The following CYTH4 variants were observed in gnomAD, a reference collection of about 807,000 sequenced individuals.
CYTH4 encodes the protein cytohesin-4.
Under a neutral mutation model 57.5 loss-of-function variants are expected in CYTH4, and 22 were observed. The observed-to-expected ratio is 0.38, with a 90% CI of 0.27 to 0.55. CYTH4 has a LOEUF of 0.55. CYTH4 is among the 20% of genes least tolerant of loss of function. The pLI is 0.74. For missense variants in CYTH4, 420 were observed against 535.6 expected, an observed-to-expected ratio of 0.78 and a Z score of 2.13; for synonymous variants, 186 against 206.5, an observed-to-expected ratio of 0.90 and a Z score of 0.85.
intron 6 of CYTH4, chr22:37,299,945 C>A: frequency 1.5e-6 from 1 of 663,190 alleles, no homozygotes; most frequent in Non-Finnish European, 2.8e-6. Context: ...GAGACAAGAT[C>A]ACACCACTGC....
At chr22:37,284,294 C>T (rs539337783) in intron 1 of CYTH4, among the ~76,000 whole-genome samples, 6 of 152,296 alleles carry the variant, frequency 3.9e-5, no homozygotes, top group African/African-American at 1.2e-4. Context: ...AGTGACCCAG[C>T]CATGGGCCTA....
intron 9 of CYTH4, among the ~76,000 whole-genome samples, 169 bp downstream of exon 9, chr22:37,309,492 G>C (rs550914778): frequency 6.6e-6 from 1 of 152,270 alleles, no homozygotes; most frequent in South Asian, 2.1e-4. Flanking sequence ...CAGTGCAGCC[G>C]TCTGCCTGCC....
intron 9 of CYTH4, chr22:37,309,937 C>T: frequency 2.2e-6 from 1 of 453,290 alleles, no homozygotes; most frequent in Non-Finnish European, 4.6e-6. Context: ...AGCAGGGCAA[C>T]CCCAGTGCCC....
intron 4 of CYTH4, 146 bp downstream of exon 4, chr22:37,296,211 C>T (rs1179981753): frequency 2.3e-6 from 2 of 853,034 alleles, no homozygotes; most frequent in African/African-American, 3.4e-5. Flanking sequence ...TTGTCCAGTG[C>T]CCCATGGCCA....
In CYTH4 at chr22:37,311,932, G is replaced by A. The variant is rs1929657075; in HGVS notation, c.958-88G>A. Reference sequence around the variant, plus strand: ...TCGTAGGGCTGTCACGCTGATCAGGGACACTAGCGTCTGGGCTTCTCTGAG... The same window carrying A: ...TCGTAGGGCTGTCACGCTGATCAGGAACACTAGCGTCTGGGCTTCTCTGAG... On this transcript the variant is annotated intron_variant, in intron 11 of 12. Coordinates refer to ENST00000248901, the MANE Select transcript of CYTH4 (RefSeq NM_013385.5). The surrounding 1 kb of genome is among the most constrained non-coding windows in gnomAD (Gnocchi z 4.4). 5 of 1,509,038 alleles carry A rather than the reference G, an allele frequency of 3.3e-6. No individual in the cohort carries two copies. Among genetic ancestry groups the A allele is most frequent in the Non-Finnish European group, 4.5e-6 (5 of 1,108,946 alleles). The allele number at this position is 1,509,038 out of a possible 1,614,324, so 93.5% of individuals were successfully genotyped here.
chr22:37,310,144 A>C, intron 9 of CYTH4: 13 of 349,054 alleles, frequency 3.7e-5, no homozygotes, highest in East Asian at 1.0e-4. Context: ...CCTGCCCAGA[A>C]CCCCCAGGAG....
chr22:37,282,620 C>A (rs56262746), intron 1 of CYTH4, 32 bp downstream of exon 1: 25,479 of 1,583,942 alleles, frequency 0.016, 317 homozygotes, highest in Admixed American at 0.065. Context: ...CTCTGGGCCT[C>A]AGGGTGCTCT....
intron 8 of CYTH4, among the ~76,000 whole-genome samples, chr22:37,305,982 A>C (rs1283237341): frequency 6.6e-6 from 1 of 152,204 alleles, no homozygotes; most frequent in African/African-American, 2.4e-5. Flanking sequence ...AGGCACAGTG[A>C]GTTCAGACTC....
rs374729035 is a variant in CYTH4, at chr22:37,311,094, G to T, written c.885+30G>T. The T allele has an allele frequency of 2.8e-5, 45 of 1,609,380 alleles. No homozygotes were observed. The African/African-American group carries it at 6.0e-4, about 21-fold the overall frequency. ...GCAGGGTTCTCCTGGGCCTTCCCCT[G>T]CCCCCGCCTCTCCCCGCACAACCCA... On this transcript the variant is annotated intron_variant, in intron 10 of 12. Coordinates refer to ENST00000248901, the MANE Select transcript of CYTH4 (RefSeq NM_013385.5). This position sits in a 1 kb window ranked among gnomAD's most constrained non-coding sequence, Gnocchi z 4.4.
intron 1 of CYTH4, among the ~76,000 whole-genome samples, chr22:37,287,870 AG>A (rs1216505255): frequency 6.6e-6 from 1 of 152,104 alleles, no homozygotes; most frequent in Non-Finnish European, 1.5e-5. Flanking sequence ...ACTGGCATGG[AG>A]TAGGTGTTTG....
At position 37,312,118 on chromosome 22, in the gene CYTH4, G is replaced by A. The variant is rs774569895; in HGVS notation, c.1056G>A (p.Ser352=). Residue 352 remains serine (S), a synonymous_variant, in exon 12 of 13, where the codon TCG becomes TCA. Transcript: ENST00000248901. Reference sequence around the variant, plus strand: ...GGGTGGTGGAGGGCAAGCACGAATCGTACCGCATCTCAGCCACCAGTGCCG... The same window carrying A: ...GGGTGGTGGAGGGCAAGCACGAATCATACCGCATCTCAGCCACCAGTGCCG... ...DGRVVEGKHE[S]YRISATSAEE... 2.5e-5 allele frequency: 41 copies of A among 1,614,124 alleles called. No individual in the cohort carries two copies. Among genetic ancestry groups the A allele is most frequent in the Admixed American group, 1.2e-4 (7 of 60,014 alleles).
chr22:37,300,095 G>T (rs1482208904), intron 6 of CYTH4: 3 of 717,570 alleles, frequency 4.2e-6, no homozygotes, highest in Non-Finnish European at 5.2e-6. Flanking sequence ...ATGGGAAAGT[G>T]TTTAAAACTG....
chr22:37,311,658 C>T lies in CYTH4; in HGVS notation c.957+131C>T. On this transcript the variant is annotated intron_variant, in intron 11 of 12. Coordinates refer to ENST00000248901, the MANE Select transcript of CYTH4 (RefSeq NM_013385.5). The surrounding 1 kb of genome is among the most constrained non-coding windows in gnomAD (Gnocchi z 4.4). ...TGCCCCTTACACCTTCCCTGTGGCT[C>T]AGGGCTGCCTTCTCTCCCTCCTGGG... 1.1e-6 allele frequency: 1 copy of T among 917,190 alleles called. No homozygotes were observed. Among genetic ancestry groups the T allele is most frequent in the South Asian group, 1.4e-5 (1 of 71,318 alleles). The allele number at this position is 917,190 out of a possible 1,614,324, so 56.8% of individuals were successfully genotyped here. A position where few individuals can be genotyped will look rare whatever the true frequency, so the allele number is the denominator to read the frequency against.
intron 4 of CYTH4, among the ~76,000 whole-genome samples, chr22:37,296,915 C>A (rs1023462947): frequency 6.6e-6 from 1 of 152,228 alleles, no homozygotes; most frequent in African/African-American, 2.4e-5. Flanking sequence ...CAGAGACCAA[C>A]CCCTCCAACT....
At chr22:37,303,216 G>A in intron 7 of CYTH4, 38 bp from the exon 8 acceptor site, 1 of 1,611,216 alleles carries the variant, frequency 6.2e-7, no homozygotes, top group Non-Finnish European at 8.5e-7. Flanking sequence ...CAGGGAGAGT[G>A]GCCAGGGCCA....
chr22:37,289,532 C>T (rs1321631166), intron 1 of CYTH4, among the ~76,000 whole-genome samples: 1 of 152,218 alleles, frequency 6.6e-6, no homozygotes. Flanking sequence ...CATAAGGGAC[C>T]CACCCATGTG....
At position 37,295,875 on chromosome 22, in the gene CYTH4, C is replaced by A; in HGVS notation, c.168-124C>A. The A allele has an allele frequency of 2.0e-6, 2 of 990,730 alleles. No individual in the cohort carries two copies. Among genetic ancestry groups the A allele is most frequent in the Non-Finnish European group, 3.1e-6 (2 of 645,380 alleles). 61.4% of individuals were successfully genotyped at this position (990,730 alleles called of 1,614,324 possible). A position where few individuals can be genotyped will look rare whatever the true frequency, so the allele number is the denominator to read the frequency against. ...CGCCCAGGTGGTTCCCATGCAGGAC[C>A]CGGAGGCCACACTTGGAGGGCCCTA... On this transcript the variant is annotated intron_variant, in intron 3 of 12. Transcript: ENST00000248901. The surrounding 1 kb of genome is among the most constrained non-coding windows in gnomAD (Gnocchi z 4.1).
rs1397498557 is a variant in CYTH4 at position 37,295,132 on chromosome 22, C to G, written c.167+408C>G. ...CTACCCCACCCCACTCACCACTAAC[C>G]CCGGGCCAGCCACGCCCACCGCCTC... On this transcript the variant is annotated intron_variant, in intron 3 of 12. Coordinates refer to ENST00000248901, the MANE Select transcript of CYTH4 (RefSeq NM_013385.5). This position sits in a 1 kb window ranked among gnomAD's most constrained non-coding sequence, Gnocchi z 4.1. 3.9e-5 allele frequency among the ~76,000 whole-genome samples: 6 copies of G among 152,086 alleles called. No homozygotes were observed. The highest frequency in any genetic ancestry group is 8.8e-5 in the Non-Finnish European group (6 of 67,982).
chr22:37,287,557 C>T lies in CYTH4; in HGVS notation c.19+4969C>T, dbSNP rs187506089. 1.2e-4 allele frequency among the ~76,000 whole-genome samples: 19 copies of T among 152,330 alleles called. No homozygotes were observed. In the East Asian group the frequency reaches 3.5e-3, roughly 28 times the overall value. Reference sequence around the variant, plus strand: ...CCATGGATGAGACCAACGGCCTCCCCGCCAGCTCCTGCCGGAAGAGTTCCG... The same window carrying T: ...CCATGGATGAGACCAACGGCCTCCCTGCCAGCTCCTGCCGGAAGAGTTCCG... On this transcript the variant is annotated intron_variant, in intron 1 of 12. Coordinates refer to ENST00000248901, the MANE Select transcript of CYTH4 (RefSeq NM_013385.5).
Sources: allele counts gnomAD v4.1 joint callset (sites outside exome capture counted in the v4.1 genomes callset), GRCh38; gene constraint gnomAD v4.1.1; non-coding constraint Gnocchi (gnomAD v3.1); transcripts MANE v1.5; gene names NCBI Gene and HGNC (gene_info 2026-07-23, HGNC 2026-07-21).